Variants in UBAP2 observed in about 807,000 individuals in gnomAD.
The protein encoded by UBAP2 is ubiquitin associated protein 2.
UBAP2 carries 75 observed loss-of-function variants against 139.6 expected under a neutral mutation model. The observed-to-expected ratio is 0.54, with a 90% CI of 0.45 to 0.65. The LOEUF is 0.65. UBAP2 is among the 30% of genes least tolerant of loss of function. UBAP2 has a pLI of 0.00. For missense variants in UBAP2, 1,368 were observed against 1,369.6 expected (o/e 1.00, Z 0.02); for synonymous variants, 526 against 526.2 (o/e 1.00, Z 0.01).
intron 11 of UBAP2, among the ~76,000 whole-genome samples, 175 bp from the exon 12 acceptor site, chr9:33,953,649 C>G (rs747502873): frequency 6.6e-6 from 1 of 151,970 alleles, no homozygotes; most frequent in African/African-American, 2.4e-5. Context: ...AAGAACATAC[C>G]AAGCCACAGA....
At chr9:33,930,077 AAT>A (rs938165936) in intron 19 of UBAP2, among the ~76,000 whole-genome samples, 7 of 152,206 alleles carry the variant, frequency 4.6e-5, no homozygotes, top group African/African-American at 7.2e-5. Context: ...ATGGTTTTCA[AAT>A]ATATAAAAAA....
intron 8 of UBAP2, among the ~76,000 whole-genome samples, chr9:33,966,941 C>T (rs1037161554): frequency 1.1e-4 from 17 of 151,638 alleles, no homozygotes; most frequent in African/African-American, 4.1e-4. Context: ...GACGGACCAC[C>T]GTGAATTAAT....
intron 2 of UBAP2, among the ~76,000 whole-genome samples, chr9:34,003,998 G>C (rs1200541472): frequency 6.6e-6 from 1 of 152,162 alleles, no homozygotes; most frequent in Non-Finnish European, 1.5e-5. Context: ...GGGATTACAG[G>C]TATGAGCCAC....
At chr9:34,039,748 T>C (rs1309647777) in intron 1 of UBAP2, among the ~76,000 whole-genome samples, 1 of 150,824 alleles carries the variant, frequency 6.6e-6, no homozygotes, top group Non-Finnish European at 1.5e-5. Context: ...CCAGAGACCC[T>C]TGTTCACTTG....
At chr9:33,970,244 T>G (rs747377991) in intron 8 of UBAP2, among the ~76,000 whole-genome samples, 8 of 151,900 alleles carry the variant, frequency 5.3e-5, no homozygotes, top group Non-Finnish European at 8.8e-5. Flanking sequence ...TGGAACCAAT[T>G]ATTCACGTTC....
At chr9:34,019,088 G>A (rs1310518149) in intron 1 of UBAP2, among the ~76,000 whole-genome samples, 2 of 151,992 alleles carry the variant, frequency 1.3e-5, no homozygotes, top group African/African-American at 4.8e-5. Context: ...TATGCTAAGT[G>A]AAATAAGCCA....
chr9:34,018,707 C>CA (rs1457372846), intron 1 of UBAP2, among the ~76,000 whole-genome samples: 1 of 151,644 alleles, frequency 6.6e-6, no homozygotes. Flanking sequence ...ACTAAAAATA[C>CA]AAAAAATTAG....
rs532665085 is a variant in UBAP2 at position 33,954,665 on chromosome 9, T to TATA, written c.867-1194_867-1192dup. Among the ~76,000 whole-genome samples the TATA allele has an allele frequency of 7.9e-5, 12 of 152,320 alleles. 1 individual carries two copies. In the South Asian group the frequency reaches 2.5e-3, roughly 32 times the overall value. ...GTTCCTAGCCTGAGTTCCTCTCCCT[T>TATA]ATAGACTATAGCCAAGTTGAATTTC... On this transcript the variant is annotated intron_variant, in intron 11 of 28. Transcript: ENST00000379238.
At chr9:33,974,237 G>T (rs2131066012) in intron 6 of UBAP2, among the ~76,000 whole-genome samples, 1 of 152,270 alleles carries the variant, frequency 6.6e-6, no homozygotes, top group Middle Eastern at 3.4e-3. Context: ...GCTAGGCACG[G>T]TGGCTCATGC....
chr9:34,040,876 G>A (rs1827009813), intron 1 of UBAP2, among the ~76,000 whole-genome samples: 1 of 152,124 alleles, frequency 6.6e-6, no homozygotes, highest in South Asian at 2.1e-4. Context: ...TCTGTGTTCT[G>A]TGGTTCAGCT....
At chr9:33,965,256 A>AT (rs201839050) in intron 8 of UBAP2, among the ~76,000 whole-genome samples, 1 of 151,784 alleles carries the variant, frequency 6.6e-6, no homozygotes, top group East Asian at 1.9e-4. Context: ...AACTTCTTCC[A>AT]TTTTTTCCCC....
chr9:33,947,240 C>A (rs1301049844), intron 13 of UBAP2, among the ~76,000 whole-genome samples: 1 of 152,146 alleles, frequency 6.6e-6, no homozygotes, highest in Admixed American at 6.5e-5. Flanking sequence ...TTTCACAGAA[C>A]AGAGGAATAT....
At chr9:34,039,005 G>A (rs1410968247) in intron 1 of UBAP2, among the ~76,000 whole-genome samples, 2 of 148,892 alleles carry the variant, frequency 1.3e-5, no homozygotes, top group South Asian at 2.1e-4. Flanking sequence ...GTCTCTGCCC[G>A]GCCGACCCGT....
At chr9:33,988,065 C>A (rs1429514448) in intron 5 of UBAP2, among the ~76,000 whole-genome samples, 1 of 152,190 alleles carries the variant, frequency 6.6e-6, no homozygotes, top group Non-Finnish European at 1.5e-5. Context: ...TCCTTGGCAA[C>A]CCACTTAAAT....
intron 4 of UBAP2, 73 bp from the exon 5 acceptor site, chr9:33,989,199 CTTTCTTT>C: frequency 2.5e-6 from 3 of 1,217,474 alleles, no homozygotes; most frequent in Non-Finnish European, 3.3e-6. Flanking sequence ...ATGCATGTAT[CTTTCTTT>C]TTTTTTTTTT....
rs1394145696 is a variant in UBAP2 at position 33,953,425 on chromosome 9, A to T, written c.916T>A (p.Ser306Thr). Residue 306 changes from serine (S) to threonine (T), a missense_variant, in exon 12 of 29, where the codon TCA (serine) becomes ACA (threonine). Transcript: ENST00000379238. Reference sequence around the variant, plus strand: ...GAAGTTTCAAAGGAGTTGGCTTCTGAGGCTTGACTGTGAGGAACAGGCTTC... The same window carrying T: ...GAAGTTTCAAAGGAGTTGGCTTCTGTGGCTTGACTGTGAGGAACAGGCTTC... ...LQKPVPHSQA[S>T]EANSFETSQQ... 6.2e-7 allele frequency: 1 copy of T among 1,614,076 alleles called. No homozygotes were observed. The highest frequency in any genetic ancestry group is 8.5e-7 in the Non-Finnish European group (1 of 1,180,034).
intron 14 of UBAP2, 86 bp downstream of exon 14, chr9:33,944,279 C>T: frequency 1.3e-6 from 2 of 1,535,578 alleles, no homozygotes; most frequent in Admixed American, 1.8e-5. Context: ...CACTGTACCC[C>T]AGTTTCCAAA....
At chr9:34,007,607 G>A (rs1418319357) in intron 2 of UBAP2, among the ~76,000 whole-genome samples, 1 of 150,990 alleles carries the variant, frequency 6.6e-6, no homozygotes, top group East Asian at 1.9e-4. Context: ...AGCGTTTATT[G>A]AAATGATCAT....
chr9:33,958,978 G>A (rs190774529), intron 10 of UBAP2, among the ~76,000 whole-genome samples: 31 of 151,818 alleles, frequency 2.0e-4, no homozygotes, highest in Admixed American at 1.3e-3. Context: ...GTGAAACCCC[G>A]TCTCTACTAA....
Sources: gnomAD v4.1 joint callset for allele counts (sites outside exome capture counted in the v4.1 genomes callset) on GRCh38, gnomAD v4.1.1 for gene constraint, MANE v1.5 for transcripts, NCBI Gene and HGNC (gene_info 2026-07-23, HGNC 2026-07-21) for gene names.